The following ACACB variants were observed in gnomAD, a reference collection of about 807,000 sequenced individuals.
ACACB encodes the protein acetyl-CoA carboxylase beta.
A neutral mutation model predicts 278.8 loss-of-function variants in ACACB; 209 were observed. The ratio of observed to expected loss-of-function variants is 0.75; its 90% confidence interval spans 0.67 to 0.84. The LOEUF (loss-of-function observed/expected upper bound fraction) is 0.84. Ranked by LOEUF, ACACB falls within the 40% of genes least tolerant of loss-of-function variation. The pLI, the probability that ACACB is intolerant of heterozygous loss-of-function variation, is 0.00. For synonymous variants in ACACB, 1,174 were observed against 1,285.6 expected (o/e 0.91, Z 1.86); for missense variants, 2,850 against 3,269.0 (o/e 0.87, Z 3.13).
intron 2 of ACACB, among the ~76,000 whole-genome samples, chr12:109,144,366 CT>C (rs1346235448): frequency 6.6e-6 from 1 of 152,096 alleles, no homozygotes; most frequent in Non-Finnish European, 1.5e-5. Context: ...TCTTGTAGAG[CT>C]TTTGGCTTTG....
chr12:109,172,724 T>A (rs2044159661), intron 6 of ACACB, among the ~76,000 whole-genome samples: 2 of 152,224 alleles, frequency 1.3e-5, no homozygotes, highest in African/African-American at 2.4e-5. Flanking sequence ...GGTGGGAGTG[T>A]AAACTAGTTC....
At chr12:109,252,830 C>T (rs1235922201) in intron 42 of ACACB, among the ~76,000 whole-genome samples, 185 bp from the exon 43 acceptor site, 1 of 152,196 alleles carries the variant, frequency 6.6e-6, no homozygotes, top group African/African-American at 2.4e-5. Flanking sequence ...AAACAAAACA[C>T]AAAAACTAAT....
At chr12:109,143,489 TGAG>T (rs1565859920) in intron 2 of ACACB, among the ~76,000 whole-genome samples, 1 of 137,386 alleles carries the variant, frequency 7.3e-6, no homozygotes, top group African/African-American at 2.7e-5. Flanking sequence ...AAAAAATGAA[TGAG>T]GAGGCTGCAC....
At position 109,265,317 on chromosome 12, in the gene ACACB, G is replaced by T. The variant is rs369210055; in HGVS notation, c.7113+37G>T. ...GTGAGAACGAGGCCGGTGAGCACAG[G>T]GGGTGCTGGGGGCTGAGACAGCTGG... is the stretch of plus-strand genomic sequence containing the variant. On this transcript the variant is annotated intron_variant, in intron 51 of 52. Transcript: ENST00000338432. 15 of 1,610,964 alleles carry T rather than the reference G, an allele frequency of 9.3e-6. No individual in the cohort carries two copies. The Admixed American group carries it at 2.3e-4, about 25-fold the overall frequency.
At chr12:109,174,321 A>T in intron 7 of ACACB, 91 bp downstream of exon 7, 1 of 921,544 alleles carries the variant, frequency 1.1e-6, no homozygotes. Flanking sequence ...GCTTGTAACA[A>T]TTCTTTCCAT....
At chr12:109,128,230 C>A (rs1274868601) in intron 1 of ACACB, among the ~76,000 whole-genome samples, 1 of 152,016 alleles carries the variant, frequency 6.6e-6, no homozygotes, top group African/African-American at 2.4e-5. Flanking sequence ...CTCACTGCAA[C>A]CTCCACCTCC....
rs773542580 is a variant in ACACB at position 109,245,727 on chromosome 12, C to T, written c.5280C>T (p.Asn1760=). The change falls in exon 38 of 53, where the codon AAC becomes AAT. Residue 1760 remains asparagine, a synonymous_variant. Transcript: ENST00000338432. The part of the protein sequence containing the change: ...LDSQGQLVEM[N]RLPGGNEVGM... ...CTCAGGGCCAGCTGGTGGAGATGAA[C>T]CGACTTCCTGGTGGAAATGAGGTAA... The T allele has an allele frequency of 9.3e-6, 15 of 1,614,088 alleles. 1 individual carries two copies. The South Asian group carries it at 1.6e-4, about 18-fold the overall frequency.
intron 19 of ACACB, among the ~76,000 whole-genome samples, chr12:109,203,496 T>C (rs2045398171): frequency 6.6e-6 from 1 of 152,250 alleles, no homozygotes; most frequent in Non-Finnish European, 1.5e-5. Context: ...GTCTTGTTGC[T>C]TTATTATTTG....
rs1273667923 is a variant in ACACB, at chr12:109,123,129, C to T, written c.-10+6425C>T. On this transcript the variant is annotated intron_variant, in intron 1 of 52. Transcript: ENST00000338432. ...CCAGGAGGCGGAGCTTGCAGTGAGC[C>T]GAGATCGCACCACTGCACTCCAGCC... Among the ~76,000 whole-genome samples the T allele has an allele frequency of 4.0e-5, 6 of 149,500 alleles. No individual in the cohort carries two copies. The East Asian group carries it at 5.9e-4, about 15-fold the overall frequency.
chr12:109,191,327 C>T (rs2044871878), intron 13 of ACACB, among the ~76,000 whole-genome samples: 1 of 151,974 alleles, frequency 6.6e-6, no homozygotes, highest in Non-Finnish European at 1.5e-5. Flanking sequence ...GATTCTCCTG[C>T]CTCAGCCTCC....
chr12:109,239,926 A>G lies in ACACB; in HGVS notation c.4759A>G (p.Thr1587Ala). 1 of 1,614,212 alleles carries G rather than the reference A, an allele frequency of 6.2e-7. No homozygotes were observed. The highest frequency in any genetic ancestry group is 8.5e-7 in the Non-Finnish European group (1 of 1,180,034). The change falls in exon 35 of 53, where the codon ACC becomes GCC. Residue 1587 changes from threonine (T) to alanine (A), a missense_variant. By Grantham distance (58) the Thr-to-Ala change is moderately conservative. Around this residue, in one of 3 missense-constraint regions of ACACB, gnomAD observed 2,265 missense variants for 2,561.3 expected, o/e 0.88. Transcript: ENST00000338432. ...GGCGTTCAATAACACCAGCGTGCGCACCGACTGCAACCACATCTTCCTCAA... is the reference window on the plus strand; with the variant it reads ...GGCGTTCAATAACACCAGCGTGCGCGCCGACTGCAACCACATCTTCCTCAA... ...EVAFNNTSVR[T>A]DCNHIFLNFV...
chr12:109,116,744 G>C (rs1452515097), intron 1 of ACACB, 40 bp downstream of exon 1: 1 of 152,184 alleles, frequency 6.6e-6, no homozygotes, highest in African/African-American at 2.4e-5. Flanking sequence ...GGACCATTCT[G>C]CCAACGTCCA....
rs578179839 is a variant in ACACB, at chr12:109,154,530, C to G, written c.654-12331C>G. Among the ~76,000 whole-genome samples the G allele has an allele frequency of 1.3e-5, 2 of 151,648 alleles. 1 individual carries two copies. Among genetic ancestry groups the G allele is most frequent in the African/African-American group, 4.8e-5 (2 of 41,244 alleles). On this transcript the variant is annotated intron_variant, in intron 2 of 52. Transcript: ENST00000338432. ...TATCTCCGCAGCTCATTTCGGCTGC[C>G]GAAGCTCAGCGGCGGGTCGGAGGTA...
chr12:109,228,956 T>TTTTA (rs2046394811), intron 28 of ACACB, among the ~76,000 whole-genome samples: 1 of 152,072 alleles, frequency 6.6e-6, no homozygotes, highest in African/African-American at 2.4e-5. Flanking sequence ...TCCCACACTC[T>TTTTA]TTTATTTATT....
chr12:109,261,658 G>A (rs9788095), intron 48 of ACACB, among the ~76,000 whole-genome samples: 3,165 of 152,102 alleles, frequency 0.021, 53 homozygotes, highest in Middle Eastern at 0.044. Flanking sequence ...ATCACTTGAG[G>A]CCAGGAGTTC....
intron 45 of ACACB, among the ~76,000 whole-genome samples, 197 bp from the exon 46 acceptor site, chr12:109,258,071 C>T (rs1369665698): frequency 1.3e-5 from 2 of 152,216 alleles, no homozygotes; most frequent in African/African-American, 4.8e-5. Context: ...TGGTTCTTGC[C>T]TCAAAAAGGG....
At chr12:109,164,787 G>A (rs563576175) in intron 2 of ACACB, among the ~76,000 whole-genome samples, 6 of 143,780 alleles carry the variant, frequency 4.2e-5, no homozygotes, top group East Asian at 4.1e-4. Flanking sequence ...GTGCAATCTC[G>A]GCTCACTGCA....
intron 15 of ACACB, among the ~76,000 whole-genome samples, chr12:109,192,856 T>A (rs2136288755): frequency 6.6e-6 from 1 of 152,090 alleles, no homozygotes; most frequent in South Asian, 2.1e-4. Flanking sequence ...ATAGATGGGG[T>A]CTCACTATGT....
At chr12:109,118,347 C>G (rs975267857) in intron 1 of ACACB, among the ~76,000 whole-genome samples, 8 of 151,040 alleles carry the variant, frequency 5.3e-5, no homozygotes, top group Admixed American at 1.3e-4. Flanking sequence ...GGGAAATAAA[C>G]ATTTTAATCT....
Sources: gnomAD v4.1 joint callset for allele counts (sites outside exome capture counted in the v4.1 genomes callset) on GRCh38, gnomAD v4.1.1 for gene constraint, gnomAD v4.1.1 regional missense constraint, MANE v1.5 for transcripts, NCBI Gene and HGNC (gene_info 2026-07-23, HGNC 2026-07-21) for gene names.